Variants in ZNF493 observed in about 807,000 individuals in gnomAD.
ZNF493 encodes zinc finger protein 493.
Under a neutral mutation model 12.2 loss-of-function variants are expected in ZNF493, and 11 were observed. The observed-to-expected ratio is 0.90, with a 90% CI of 0.57 to 1.50. ZNF493 has a LOEUF of 1.50. ZNF493 is among the 40% of genes most tolerant of loss of function. ZNF493 has a pLI of 0.00. For missense variants in ZNF493, 950 were observed against 906.6 expected, an observed-to-expected ratio of 1.05 and a Z score of -0.61; for synonymous variants, 286 against 302.6, an observed-to-expected ratio of 0.95 and a Z score of 0.57.
chr19:21,417,333 T>C (rs1333572516), intron 3 of ZNF493, among the ~76,000 whole-genome samples: 1 of 152,162 alleles, frequency 6.6e-6, no homozygotes, highest in Non-Finnish European at 1.5e-5. Context: ...TCGTTGCCTG[T>C]GCTAGCAGAG....
chr19:21,423,580 C>T lies in ZNF493; in HGVS notation c.921C>T (p.Thr307=). 1 of 1,613,616 alleles carries T rather than the reference C, an allele frequency of 6.2e-7. No homozygotes were observed. The highest frequency in any genetic ancestry group is 1.1e-5 in the South Asian group (1 of 91,070). The change falls in exon 4 of 4, where the codon ACC becomes ACT. Residue 307 remains threonine, a synonymous_variant. Coordinates refer to ENST00000392288, the MANE Select transcript of ZNF493 (RefSeq NM_001076678.3). ...QYGKTFNQSS[T]LTGHKIIHNG... ...GCAAAACTTTTAACCAATCTTCAAC[C>T]CTTACTGGACATAAGATAATTCATA...
At chr19:21,410,060 G>GTGTGTA (rs1491483385) in intron 3 of ZNF493, among the ~76,000 whole-genome samples, 2 of 43,966 alleles carry the variant, frequency 4.5e-5, no homozygotes, top group African/African-American at 1.3e-4. Context: ...TTCATTGTGT[G>GTGTGTA]TATATATATA....
intron 1 of ZNF493, among the ~76,000 whole-genome samples, chr19:21,400,628 T>C (rs1292157270): frequency 6.6e-6 from 1 of 152,082 alleles, no homozygotes; most frequent in East Asian, 1.9e-4. Flanking sequence ...CTGGAGAGCC[T>C]CCCCTGCAGA....
intron 3 of ZNF493, among the ~76,000 whole-genome samples, chr19:21,416,878 T>C (rs1433971112): frequency 6.6e-6 from 1 of 152,238 alleles, no homozygotes; most frequent in Non-Finnish European, 1.5e-5. Context: ...TTCCTAGAGC[T>C]AACTCCTATT....
intron 3 of ZNF493, among the ~76,000 whole-genome samples, chr19:21,410,966 A>AT: frequency 6.6e-6 from 1 of 151,760 alleles, no homozygotes; most frequent in Admixed American, 6.6e-5. Flanking sequence ...CTAATTTTGT[A>AT]TTTTTTGTAG....
chr19:21,397,379 C>G, intron 1 of ZNF493, 112 bp downstream of exon 1: 1 of 1,316,008 alleles, frequency 7.6e-7, no homozygotes. Flanking sequence ...ACAATCTGCT[C>G]CCTGAGTTCT....
rs1193753957 is a variant in ZNF493 at position 21,425,618 on chromosome 19, A to G, written c.*634A>G. 2.5e-6 allele frequency: 2 copies of G among 789,002 alleles called. No homozygotes were observed. Among genetic ancestry groups the G allele is most frequent in the East Asian group, 7.9e-5 (2 of 25,360 alleles). The allele number at this position is 789,002 out of a possible 1,614,324, so 48.9% of individuals were successfully genotyped here. A position where few individuals can be genotyped will look rare whatever the true frequency, so the allele number is the denominator to read the frequency against. ...GAGAGAAGCCCTACAAATGTGAAAA[A>G]TGTGGCAAACCTTTTAACCAATCCT... is the stretch of plus-strand genomic sequence containing the variant. On this transcript the variant is annotated 3_prime_UTR_variant, in exon 4 of 4. Transcript: ENST00000392288.
At position 21,423,917 on chromosome 19, in the gene ZNF493, C is replaced by A. The variant is rs10414834; in HGVS notation, c.1258C>A (p.Leu420Ile). ...CGKAYKESSH[L>I]TTHKRIHTGE... ...CAAAGCTTATAAGGAGTCTTCACACCTTACTACACATAAAAGAATTCATAC... is the reference window on the plus strand; with the variant it reads ...CAAAGCTTATAAGGAGTCTTCACACATTACTACACATAAAAGAATTCATAC... Residue 420 changes from leucine (L) to isoleucine (I), a missense_variant, in exon 4 of 4, where the codon CTT (leucine) becomes ATT (isoleucine). Physicochemically the swap from Leu to Ile is conservative, Grantham distance 5 (BLOSUM62 2). Transcript: ENST00000392288. 1.9e-6 allele frequency: 3 copies of A among 1,613,262 alleles called. No homozygotes were observed. The South Asian group carries it at 3.3e-5, about 18-fold the overall frequency.
chr19:21,399,455 C>T (rs1360536548), intron 1 of ZNF493, among the ~76,000 whole-genome samples: 2 of 152,104 alleles, frequency 1.3e-5, no homozygotes, highest in East Asian at 1.9e-4. Context: ...CCACCATGCC[C>T]GGCCCACATC....
rs1160127152 is a variant in ZNF493, at chr19:21,397,372, A to G, written c.30+105A>G. 10 of 1,359,634 alleles carry G rather than the reference A, an allele frequency of 7.4e-6. No individual in the cohort carries two copies. The South Asian group carries it at 1.0e-4, about 14-fold the overall frequency. The allele number at this position is 1,359,634 out of a possible 1,614,324, so 84.2% of individuals were successfully genotyped here. On this transcript the variant is annotated intron_variant, in intron 1 of 3. Transcript: ENST00000392288. ...AGGCCTCCCCGCAGTCAGCTCCACA[A>G]TCTGCTCCCTGAGTTCTCCTTGCCC... is the stretch of plus-strand genomic sequence containing the variant.
rs1199929579 is a variant in ZNF493 at position 21,422,943 on chromosome 19, G to A, written c.284G>A (p.Cys95Tyr). The change falls in exon 4 of 4, where the codon TGC (cysteine) becomes TAC (tyrosine). Residue 95 changes from cysteine (C) to tyrosine (Y), a missense_variant. Coordinates refer to ENST00000392288, the MANE Select transcript of ZNF493 (RefSeq NM_001076678.3). The stretch of plus-strand genomic sequence containing the variant: ...TGTTCTCATTTTGCTGAAGACTTTT[G>A]CCCAGGGCCAGGCATTAAAGATTCT... Reference protein sequence around the residue: ...VICSHFAEDFCPGPGIKDSFQ... With the variant: ...VICSHFAEDFYPGPGIKDSFQ... The A allele has an allele frequency of 5.7e-6, 9 of 1,569,728 alleles. No individual in the cohort carries two copies. Among genetic ancestry groups the A allele is most frequent in the South Asian group, 4.8e-5 (4 of 82,770 alleles).
In ZNF493 at chr19:21,423,298, A is replaced by C. The variant is rs2030739954; in HGVS notation, c.639A>C (p.Glu213Asp). The stretch of plus-strand genomic sequence containing the variant: ...TTAGAGAGAATTCTTACCGATGTGA[A>C]GAATGTGGCAAAGCCTTTATCTGGT... ...IHIRENSYRCEECGKAFIWFS... is the reference protein window; with the variant it reads ...IHIRENSYRCDECGKAFIWFS... The change falls in exon 4 of 4, where the codon GAA (glutamate) becomes GAC (aspartate). Residue 213 changes from glutamate to aspartate, a missense_variant. Transcript: ENST00000392288. 18 of 1,613,752 alleles carry C rather than the reference A, an allele frequency of 1.1e-5. No individual in the cohort carries two copies. Among genetic ancestry groups the C allele is most frequent in the Non-Finnish European group, 1.5e-5 (18 of 1,179,864 alleles).
Position 21,423,388 on chromosome 19 carries a change from C to A in ZNF493, c.729C>A (p.Gly243=). The change falls in exon 4 of 4, where the codon GGC becomes GGA. Residue 243 remains glycine, a synonymous_variant. Transcript: ENST00000392288. ...TGEKSYKYEC[G]KSFNQDSNLT... Reference sequence around the variant, plus strand: ...AGAAATCCTACAAATATGAATGTGGCAAATCTTTTAACCAGGACTCAAACC... The same window carrying A: ...AGAAATCCTACAAATATGAATGTGGAAAATCTTTTAACCAGGACTCAAACC... The A allele has an allele frequency of 6.2e-7, 1 of 1,613,036 alleles. No homozygotes were observed. The highest frequency in any genetic ancestry group is 8.5e-7 in the Non-Finnish European group (1 of 1,179,678).
chr19:21,397,440 C>T, intron 1 of ZNF493, 173 bp downstream of exon 1: 1 of 820,256 alleles, frequency 1.2e-6, no homozygotes, highest in Non-Finnish European at 2.0e-6. Flanking sequence ...GGCGGCTGCG[C>T]CAACAGCCGG....
At chr19:21,398,563 G>T in intron 1 of ZNF493, 1 of 392,612 alleles carries the variant, frequency 2.5e-6, no homozygotes. Context: ...GGTTATGTTA[G>T]CTAGAGTGTC....
chr19:21,423,178 C>T lies in ZNF493; in HGVS notation c.519C>T (p.Asn173=). Residue 173 remains asparagine (N), a synonymous_variant, in exon 4 of 4, where the codon AAC becomes AAT. Transcript: ENST00000392288. ...FHKLLNSNRH[N]TKHTGKKPFK... ...AACTTTTAAATTCAAATAGACATAA[C>T]ACAAAACATACTGGAAAGAAACCTT... The T allele has an allele frequency of 6.2e-7, 1 of 1,613,622 alleles. No individual in the cohort carries two copies. The highest frequency in any genetic ancestry group is 1.3e-5 in the African/African-American group (1 of 75,008).
Position 21,426,924 on chromosome 19 carries a change from GAAT to G in ZNF493, c.*1946_*1948del, listed in dbSNP as rs1006263838. On this transcript the variant is annotated 3_prime_UTR_variant, in exon 4 of 4. Transcript: ENST00000392288. ...TAAGAGGAGTAAAAGATTTTTTGTA[GAAT>G]AATAACTATATTCGGATTATACTTT... The G allele has an allele frequency of 6.6e-5, 11 of 166,752 alleles. No homozygotes were observed. The South Asian group carries it at 2.3e-3, about 35-fold the overall frequency. The allele number at this position is 166,752 out of a possible 1,614,324, so 10.3% of individuals were successfully genotyped here.
At chr19:21,402,025 T>G (rs1327955391) in intron 1 of ZNF493, among the ~76,000 whole-genome samples, 1 of 152,144 alleles carries the variant, frequency 6.6e-6, no homozygotes, top group Non-Finnish European at 1.5e-5. Flanking sequence ...TGGAGTGCAG[T>G]GGCACGATCT....
chr19:21,399,322 G>A (rs879871981), intron 1 of ZNF493, among the ~76,000 whole-genome samples: 2 of 151,730 alleles, frequency 1.3e-5, no homozygotes, highest in East Asian at 1.9e-4. Flanking sequence ...CACCATGCCC[G>A]GCTAATTTTT....
Sources: gnomAD v4.1 joint callset for allele counts (sites outside exome capture counted in the v4.1 genomes callset) on GRCh38, gnomAD v4.1.1 for gene constraint, MANE v1.5 for transcripts, NCBI Gene and HGNC (gene_info 2026-07-23, HGNC 2026-07-21) for gene names.